NEDD4L: variants seen among roughly 807,000 people sequenced by gnomAD.
The protein encoded by NEDD4L is NEDD4 like E3 ubiquitin protein ligase, also known as E3 ubiquitin-protein ligase NEDD4-like.
A neutral mutation model predicts 148.9 loss-of-function variants in NEDD4L; 54 were observed. The observed-to-expected ratio is 0.36, with a 90% CI of 0.29 to 0.45. NEDD4L has a LOEUF of 0.45. Among genes scored for constraint, NEDD4L ranks in the 20% least tolerant of loss-of-function variants. NEDD4L has a pLI of 1.00. For missense variants in NEDD4L, 856 were observed against 1,233.8 expected (o/e 0.69, Z 4.59); for synonymous variants, 433 against 440.7 (o/e 0.98, Z 0.22).
chr18:58,322,346 T>C (rs1311490449), intron 6 of NEDD4L, 79 bp from the exon 7 acceptor site: 1 of 977,850 alleles, frequency 1.0e-6, no homozygotes, highest in African/African-American at 1.6e-5. Flanking sequence ...AAATATATTC[T>C]CTGTAATCCA....
At chr18:58,257,444 G>A (rs2048751525) in intron 5 of NEDD4L, among the ~76,000 whole-genome samples, 1 of 152,088 alleles carries the variant, frequency 6.6e-6, no homozygotes, top group Non-Finnish European at 1.5e-5. Flanking sequence ...TAACAGATGC[G>A]TTTTTAAAGC....
chr18:58,171,522 G>A (rs940229199), intron 2 of NEDD4L, among the ~76,000 whole-genome samples: 1 of 152,258 alleles, frequency 6.6e-6, no homozygotes, highest in South Asian at 2.1e-4. Context: ...TCCTCCTACG[G>A]CCCCTTGTCT....
At chr18:58,178,844 T>C (rs1358555497) in intron 2 of NEDD4L, among the ~76,000 whole-genome samples, 1 of 152,258 alleles carries the variant, frequency 6.6e-6, no homozygotes, top group Non-Finnish European at 1.5e-5. Context: ...TGTTTTAAGC[T>C]TCTGTGACTT....
At chr18:58,392,743 T>A (rs896507451) in intron 30 of NEDD4L, among the ~76,000 whole-genome samples, 2 of 152,308 alleles carry the variant, frequency 1.3e-5, no homozygotes, top group African/African-American at 4.8e-5. Flanking sequence ...CCAAGTCATA[T>A]GTGGTTTTCT....
At chr18:58,063,039 C>CTTTT (rs74183235) in intron 1 of NEDD4L, among the ~76,000 whole-genome samples, 7 of 91,150 alleles carry the variant, frequency 7.7e-5, no homozygotes, top group African/African-American at 1.4e-4. Context: ...TTTATTTGTT[C>CTTTT]TTTTTTTTTT....
chr18:58,107,722 GA>G (rs768414076), intron 1 of NEDD4L, among the ~76,000 whole-genome samples: 236 of 133,604 alleles, frequency 1.8e-3, no homozygotes, highest in African/African-American at 3.9e-3. Context: ...CCTGTCTCCA[GA>G]AAAAAAAAAA....
chr18:58,230,586 A>G (rs1295924225), intron 2 of NEDD4L, among the ~76,000 whole-genome samples: 1 of 152,144 alleles, frequency 6.6e-6, no homozygotes, highest in African/African-American at 2.4e-5. Context: ...CTAGTTATTC[A>G]TTATCAGGTA....
At chr18:58,162,674 C>T (rs547793560) in intron 1 of NEDD4L, among the ~76,000 whole-genome samples, 1 of 151,036 alleles carries the variant, frequency 6.6e-6, no homozygotes, top group South Asian at 2.1e-4. Flanking sequence ...TCTCTATCTC[C>T]AGATAACGTG....
intron 13 of NEDD4L, among the ~76,000 whole-genome samples, chr18:58,337,856 AC>A (rs961163799): frequency 2.6e-5 from 4 of 152,194 alleles, no homozygotes; most frequent in Admixed American, 6.5e-5. Flanking sequence ...CAGCCAAGAA[AC>A]CACAGCCCTT....
At chr18:58,321,586 A>T (rs970128623) in intron 6 of NEDD4L, among the ~76,000 whole-genome samples, 2 of 152,252 alleles carry the variant, frequency 1.3e-5, no homozygotes, top group African/African-American at 4.8e-5. Context: ...AGAATGACAT[A>T]AACAGATAAC....
intron 2 of NEDD4L, among the ~76,000 whole-genome samples, chr18:58,217,327 G>A (rs569000627): frequency 6.6e-6 from 1 of 152,140 alleles, no homozygotes; most frequent in Non-Finnish European, 1.5e-5. Flanking sequence ...CCCTCCAAGT[G>A]TCCTAGTTTC....
intron 9 of NEDD4L, 88 bp from the exon 10 acceptor site, chr18:58,328,907 T>C: frequency 6.7e-7 from 1 of 1,494,638 alleles, no homozygotes. Context: ...TTAGTGGCCA[T>C]CTGGCCCTCC....
chr18:58,044,782 G>A, intron 1 of NEDD4L, 74 bp downstream of exon 1: 1 of 1,555,134 alleles, frequency 6.4e-7, no homozygotes, highest in Middle Eastern at 1.7e-4. Context: ...GAGGGGAAAG[G>A]GGCCGTCCCC....
chr18:58,221,737 C>T, intron 2 of NEDD4L: 1 of 985,224 alleles, frequency 1.0e-6, no homozygotes, highest in Non-Finnish European at 1.2e-6. Flanking sequence ...TGTTTTTCAG[C>T]AGCTTTGAGG....
intron 5 of NEDD4L, among the ~76,000 whole-genome samples, chr18:58,252,623 CAG>C (rs1682538068): frequency 6.6e-6 from 1 of 152,164 alleles, no homozygotes; most frequent in African/African-American, 2.4e-5. Flanking sequence ...AGGCATATAA[CAG>C]ATACAAACTA....
rs61163757 is a variant in NEDD4L at position 58,276,535 on chromosome 18, A to G, written c.297+24481A>G. On this transcript the variant is annotated intron_variant, in intron 5 of 30. Coordinates refer to ENST00000400345, the MANE Select transcript of NEDD4L (RefSeq NM_001144967.3). ...TAGTGTTCATTTTCTGACAAGTTCT[A>G]TGAAACCTGGTGACTTAACTTTTCT... is the stretch of plus-strand genomic sequence containing the variant. Among the ~76,000 whole-genome samples, 1,394 of 152,146 alleles carry G rather than the reference A, an allele frequency of 9.2e-3. 24 individuals are homozygous for G. The highest frequency in any genetic ancestry group is 0.032 in the African/African-American group (1,329 of 41,514).
intron 26 of NEDD4L, 64 bp downstream of exon 26, chr18:58,385,650 G>T: frequency 7.5e-7 from 1 of 1,333,958 alleles, no homozygotes; most frequent in South Asian, 1.2e-5. Flanking sequence ...GGGGGATCGC[G>T]CTTCTCCTTT....
chr18:58,058,412 T>C (rs1463173318), intron 1 of NEDD4L, among the ~76,000 whole-genome samples: 2 of 152,228 alleles, frequency 1.3e-5, no homozygotes, highest in Non-Finnish European at 2.9e-5. Flanking sequence ...ATCACCCCTG[T>C]CTAGCCATGG....
chr18:58,209,696 A>G (rs888137710), intron 2 of NEDD4L, among the ~76,000 whole-genome samples: 9 of 135,930 alleles, frequency 6.6e-5, no homozygotes, highest in African/African-American at 2.2e-4. Context: ...AAGAAATTAG[A>G]AAAAGATCAA....
Sources: gnomAD v4.1 joint callset for allele counts (sites outside exome capture counted in the v4.1 genomes callset) on GRCh38, gnomAD v4.1.1 for gene constraint, MANE v1.5 for transcripts, NCBI Gene and HGNC (gene_info 2026-07-23, HGNC 2026-07-21) for gene names.